OR7C1: variants seen among roughly 807,000 people sequenced by gnomAD.
OR7C1 encodes the protein olfactory receptor family 7 subfamily C member 1.
For synonymous variants in OR7C1, 152 were observed against 160.7 expected, an observed-to-expected ratio of 0.95 and a Z score of 0.41; for missense variants, 324 against 383.3, an observed-to-expected ratio of 0.85 and a Z score of 1.29.
intron 1 of OR7C1, among the ~76,000 whole-genome samples, chr19:14,815,127 C>G (rs1375072793): frequency 6.6e-6 from 1 of 152,194 alleles, no homozygotes; most frequent in Non-Finnish European, 1.5e-5. Flanking sequence ...TGACCCCCAG[C>G]CCCTATTCCA....
Position 14,799,399 on chromosome 19 carries a change from T to C in OR7C1, c.738A>G (p.Ser246=), listed in dbSNP as rs138976910. 8.3e-4 allele frequency: 1,346 copies of C among 1,614,116 alleles called. 11 individuals carry two copies. The African/African-American group carries it at 0.016, about 19-fold the overall frequency. Residue 246 remains serine, a synonymous_variant, in exon 5 of 5, where the codon TCA becomes TCG. Coordinates refer to ENST00000641666, the Ensembl canonical transcript of OR7C1. ...CCGTGCCATAGAACAAGGTGACCAC[T>C]GAGAGGTGGGAACCACAGGTGGAAA...
intron 1 of OR7C1, chr19:14,828,267 G>C (rs1330922043): frequency 1.3e-6 from 2 of 1,580,220 alleles, no homozygotes; most frequent in Non-Finnish European, 1.7e-6. Flanking sequence ...ATCAGAGAGA[G>C]AGAGAGAAAG....
chr19:14,818,067 TTTATTTATTTA>T (rs2044724222), intron 1 of OR7C1, among the ~76,000 whole-genome samples: 3 of 93,288 alleles, frequency 3.2e-5, no homozygotes, highest in African/African-American at 1.0e-4. Flanking sequence ...ATTTATTTTA[TTTATTTATTTA>T]TTTATTTATT....
chr19:14,807,760 G>A (rs2044672242), intron 2 of OR7C1, among the ~76,000 whole-genome samples: 1 of 151,822 alleles, frequency 6.6e-6, no homozygotes, highest in Non-Finnish European at 1.5e-5. Flanking sequence ...GCTGGGCATA[G>A]TGGTGGGTGC....
In OR7C1 at chr19:14,827,877, C is replaced by T. The variant is rs112260964; in HGVS notation, c.-623+7197G>A. The T allele has an allele frequency of 3.5e-5, 57 of 1,614,002 alleles. No individual in the cohort carries two copies. Among genetic ancestry groups the T allele is most frequent in the African/African-American group, 2.8e-4 (21 of 74,906 alleles). On this transcript the variant is annotated intron_variant, in intron 1 of 4. Coordinates refer to ENST00000641666, the Ensembl canonical transcript of OR7C1. ...CAGGGGGTGACAGATGGCCACAAAC[C>T]GGTCATAGGCCATCACGGACAGGAG...
At chr19:14,801,864 C>T (rs1240792532) in intron 2 of OR7C1, among the ~76,000 whole-genome samples, 1 of 152,182 alleles carries the variant, frequency 6.6e-6, no homozygotes, top group Non-Finnish European at 1.5e-5. Flanking sequence ...AGAATCCCAT[C>T]ACAAGACAGC....
chr19:14,799,976 T>C, exon 5 of OR7C1: 1 of 1,613,652 alleles, frequency 6.2e-7, no homozygotes, highest in Non-Finnish European at 8.5e-7. Context: ...GGTGTGGAGG[T>C]GGGAGTCTGA....
At chr19:14,823,233 A>G (rs1183735827) in intron 1 of OR7C1, among the ~76,000 whole-genome samples, 1 of 152,092 alleles carries the variant, frequency 6.6e-6, no homozygotes, top group Non-Finnish European at 1.5e-5. Context: ...CGGTCAGATC[A>G]CTTGAGGTCT....
chr19:14,819,541 G>A (rs1374916112), intron 1 of OR7C1, among the ~76,000 whole-genome samples: 4 of 152,098 alleles, frequency 2.6e-5, no homozygotes, highest in Non-Finnish European at 5.9e-5. Flanking sequence ...GGGTGTATAT[G>A]TACTACATTT....
chr19:14,823,431 G>A (rs933821804), intron 1 of OR7C1, among the ~76,000 whole-genome samples: 2 of 152,160 alleles, frequency 1.3e-5, no homozygotes, highest in Admixed American at 6.5e-5. Context: ...CAGTCTGGGC[G>A]ACAGAGCAAG....
rs145099581 is a variant in OR7C1 at position 14,799,388 on chromosome 19, A to C, written c.749T>G (p.Leu250Trp). 5.8e-4 allele frequency: 930 copies of C among 1,614,162 alleles called. 8 individuals are homozygous for C. In the African/African-American group the frequency reaches 0.011, roughly 19 times the overall value. The change falls in exon 5 of 5, where the codon TTG becomes TGG. Residue 250 changes from leucine to tryptophan, a missense_variant. Physicochemically the swap from Leu to Trp is moderately conservative, Grantham distance 61. Coordinates refer to ENST00000641666, the Ensembl canonical transcript of OR7C1. ...GACCCCAAAGCCCGTGCCATAGAACAAGGTGACCACTGAGAGGTGGGAACC... is the reference window on the plus strand; with the variant it reads ...GACCCCAAAGCCCGTGCCATAGAACCAGGTGACCACTGAGAGGTGGGAACC...
chr19:14,811,255 A>AGGT (rs2147651152), intron 1 of OR7C1, among the ~76,000 whole-genome samples: 1 of 152,002 alleles, frequency 6.6e-6, no homozygotes, highest in South Asian at 2.1e-4. Context: ...TCCAAAATCA[A>AGGT]GGTGCAAGAA....
chr19:14,812,550 T>C (rs569226929), intron 1 of OR7C1, among the ~76,000 whole-genome samples: 1 of 152,146 alleles, frequency 6.6e-6, no homozygotes, highest in African/African-American at 2.4e-5. Flanking sequence ...CATGACCCTT[T>C]CATGTGAAAT....
intron 1 of OR7C1, among the ~76,000 whole-genome samples, chr19:14,810,257 C>T (rs2044684628): frequency 6.6e-6 from 1 of 151,856 alleles, no homozygotes; most frequent in African/African-American, 2.4e-5. Flanking sequence ...ACCCCTCTTC[C>T]AGGGCACATC....
intron 1 of OR7C1, among the ~76,000 whole-genome samples, chr19:14,819,650 G>C (rs1344752918): frequency 6.6e-6 from 1 of 152,116 alleles, no homozygotes; most frequent in African/African-American, 2.4e-5. Context: ...TTGCCACTAT[G>C]TGGAACATAT....
intron 1 of OR7C1, among the ~76,000 whole-genome samples, chr19:14,830,434 G>A (rs955366801): frequency 2.3e-4 from 34 of 150,832 alleles, no homozygotes; most frequent in African/African-American, 8.0e-4. Context: ...CAACGGGTAG[G>A]TTAGCAAGAA....
exon 5 of OR7C1, chr19:14,798,998 G>T (rs2044624877): frequency 9.0e-6 from 6 of 668,676 alleles, no homozygotes; most frequent in East Asian, 3.2e-5. Flanking sequence ...TTGTTAACGG[G>T]GAAACCTTGC....
chr19:14,814,932 A>G (rs531597753), intron 1 of OR7C1, among the ~76,000 whole-genome samples: 1 of 152,360 alleles, frequency 6.6e-6, no homozygotes, highest in Non-Finnish European at 1.5e-5. Flanking sequence ...TTGCGGCAAT[A>G]AGATACCCAA....
intron 1 of OR7C1, among the ~76,000 whole-genome samples, chr19:14,819,907 C>T (rs914120822): frequency 6.6e-6 from 1 of 151,670 alleles, no homozygotes; most frequent in African/African-American, 2.4e-5. Context: ...TATTTTTATG[C>T]GTTTATTTAT....
Sources: gnomAD v4.1 joint callset for allele counts (sites outside exome capture counted in the v4.1 genomes callset) on GRCh38, gnomAD v4.1.1 for gene constraint, MANE v1.5 for transcripts, NCBI Gene and HGNC (gene_info 2026-07-23, HGNC 2026-07-21) for gene names.